Variants in NEK11 observed in about 807,000 individuals in gnomAD.
NEK11 encodes the protein NIMA related kinase 11, also known as serine/threonine-protein kinase Nek11.
NEK11 carries 72 observed loss-of-function variants against 80.7 expected under a neutral mutation model. The ratio of observed to expected loss-of-function variants is 0.89; its 90% CI spans 0.74 to 1.08. The LOEUF (loss-of-function observed/expected upper bound fraction) is 1.08, where lower values mean the gene tolerates loss of function less well. NEK11 is among the 50% of genes least tolerant of loss of function. NEK11 has a pLI of 0.00. For missense variants in NEK11, 764 were observed against 763.6 expected, an observed-to-expected ratio of 1.00 and a Z score of -0.01; for synonymous variants, 251 against 260.7, an observed-to-expected ratio of 0.96 and a Z score of 0.36.
intron 14 of NEK11, among the ~76,000 whole-genome samples, chr3:131,177,577 G>C (rs2718877): frequency 0.83 from 125,818 of 152,084 alleles, 52,155 homozygotes; most frequent in East Asian, 0.93. Context: ...GATTCGACGT[G>C]AGAAGATGTC....
chr3:131,198,940 T>C (rs2094128850), intron 14 of NEK11, among the ~76,000 whole-genome samples: 1 of 152,178 alleles, frequency 6.6e-6, no homozygotes, highest in South Asian at 2.1e-4. Context: ...GCCCTTTTAG[T>C]TGCTTTAGGG....
At chr3:131,347,167 G>T (rs1007176145) in intron 17 of NEK11, among the ~76,000 whole-genome samples, 1 of 152,106 alleles carries the variant, frequency 6.6e-6, no homozygotes, top group African/African-American at 2.4e-5. Flanking sequence ...TGGAGCCTAG[G>T]GCTGCTGGTT....
chr3:131,091,545 GT>G (rs1203906495), intron 4 of NEK11, among the ~76,000 whole-genome samples: 1 of 152,084 alleles, frequency 6.6e-6, no homozygotes, highest in Admixed American at 6.6e-5. Context: ...ATATGGCAAG[GT>G]AACCCAGAAA....
intron 14 of NEK11, among the ~76,000 whole-genome samples, chr3:131,182,807 A>T (rs1286433428): frequency 6.6e-6 from 1 of 152,138 alleles, no homozygotes; most frequent in Non-Finnish European, 1.5e-5. Flanking sequence ...TATATCTCAG[A>T]TTGATTTTCT....
chr3:131,033,158 A>G (rs1424280738), intron 3 of NEK11, among the ~76,000 whole-genome samples: 2 of 152,140 alleles, frequency 1.3e-5, no homozygotes, highest in Admixed American at 6.5e-5. Context: ...TGTTATGTTT[A>G]ATGCATATAT....
At chr3:131,083,985 C>T (rs2075652819) in intron 4 of NEK11, among the ~76,000 whole-genome samples, 2 of 152,180 alleles carry the variant, frequency 1.3e-5, no homozygotes, top group Non-Finnish European at 2.9e-5. Context: ...TCTGAGAATG[C>T]CCTTCCTCCT....
chr3:131,117,143 A>T (rs2081381704), intron 5 of NEK11, among the ~76,000 whole-genome samples: 1 of 152,072 alleles, frequency 6.6e-6, no homozygotes, highest in Non-Finnish European at 1.5e-5. Context: ...CATCTTGAAG[A>T]AATTTAATAT....
At chr3:131,323,650 G>A (rs901769815) in intron 17 of NEK11, among the ~76,000 whole-genome samples, 3 of 152,182 alleles carry the variant, frequency 2.0e-5, no homozygotes, top group African/African-American at 7.2e-5. Context: ...TTTATTTATG[G>A]TGAAACACTT....
chr3:131,041,688 ATGG>A (rs757817314), intron 3 of NEK11, among the ~76,000 whole-genome samples: 4 of 152,146 alleles, frequency 2.6e-5, no homozygotes, highest in Admixed American at 6.5e-5. Context: ...TCCCGTTCTG[ATGG>A]ATGAAGAGGC....
chr3:131,227,755 A>T (rs2095240479), intron 14 of NEK11, among the ~76,000 whole-genome samples: 1 of 152,002 alleles, frequency 6.6e-6, no homozygotes, highest in South Asian at 2.1e-4. Context: ...CTAGCCCCCC[A>T]TTAGTAAATT....
intron 4 of NEK11, among the ~76,000 whole-genome samples, chr3:131,087,531 C>T (rs190914473): frequency 3.9e-5 from 6 of 152,250 alleles, no homozygotes; most frequent in South Asian, 2.1e-4. Flanking sequence ...CGTGAGCCAC[C>T]GTGCCCGGCC....
chr3:131,115,908 T>TTCTC, intron 5 of NEK11, among the ~76,000 whole-genome samples: 1 of 46,866 alleles, frequency 2.1e-5, no homozygotes. Flanking sequence ...AGTGTTTTCT[T>TTCTC]TCTTTCTTTC....
At chr3:131,288,500 T>C (rs1472543661) in intron 17 of NEK11, among the ~76,000 whole-genome samples, 1 of 145,904 alleles carries the variant, frequency 6.9e-6, no homozygotes, top group Non-Finnish European at 1.5e-5. Context: ...TTGCCCAGGC[T>C]GGAGTGCAAT....
At chr3:131,070,285 C>G (rs2073032325) in intron 3 of NEK11, among the ~76,000 whole-genome samples, 1 of 152,100 alleles carries the variant, frequency 6.6e-6, no homozygotes, top group South Asian at 2.1e-4. Context: ...ACTACTTTTC[C>G]ATTGTTTAAC....
chr3:131,065,054 A>C (rs1030303081), intron 3 of NEK11, among the ~76,000 whole-genome samples: 3 of 152,196 alleles, frequency 2.0e-5, no homozygotes, highest in Non-Finnish European at 4.4e-5. Context: ...ACTTTACAAC[A>C]CAGTTATCAT....
intron 4 of NEK11, among the ~76,000 whole-genome samples, chr3:131,080,789 T>C (rs189411361): frequency 6.6e-6 from 1 of 152,286 alleles, no homozygotes; most frequent in East Asian, 1.9e-4. Context: ...TTTCCCTCCA[T>C]TGGCAAACTC....
chr3:131,283,991 G>A (rs745489465), intron 17 of NEK11, among the ~76,000 whole-genome samples: 1 of 152,148 alleles, frequency 6.6e-6, no homozygotes, highest in Non-Finnish European at 1.5e-5. Context: ...TCTGTTAGGT[G>A]TGAGGCATTG....
intron 4 of NEK11, among the ~76,000 whole-genome samples, chr3:131,109,232 C>G (rs1374817049): frequency 6.6e-6 from 1 of 151,984 alleles, no homozygotes; most frequent in Non-Finnish European, 1.5e-5. Flanking sequence ...GAGCTAAGCT[C>G]CATTCTAATT....
chr3:131,134,030 T>A, intron 7 of NEK11, 74 bp downstream of exon 7: 1 of 1,302,490 alleles, frequency 7.7e-7, no homozygotes. Flanking sequence ...TCAGCTCATT[T>A]ACTTACTGCA....
Sources: allele counts gnomAD v4.1 joint callset (sites outside exome capture counted in the v4.1 genomes callset), GRCh38; gene constraint gnomAD v4.1.1; transcripts MANE v1.5; gene names NCBI Gene and HGNC (gene_info 2026-07-23, HGNC 2026-07-21).